The following ZNG1F variants were observed in gnomAD, a reference collection of about 807,000 sequenced individuals.
ZNG1F encodes the protein Zn regulated GTPase metalloprotein activator 1F.
the ZNG1F span, among the ~76,000 whole-genome samples, chr9:41,166,363 A>G: frequency 8.2e-6 from 1 of 121,576 alleles, no homozygotes; most frequent in East Asian, 2.6e-4. Context: ...TGGGAGGCAG[A>G]GGTTGCAGTG....
At chr9:41,145,218 T>C in the ZNG1F span, 2 of 271,234 alleles carry the variant, frequency 7.4e-6, no homozygotes, top group South Asian at 5.9e-5. Flanking sequence ...ATAGCCTATC[T>C]AGTTAAAGAG....
the ZNG1F span, among the ~76,000 whole-genome samples, chr9:41,187,651 G>T: frequency 6.8e-6 from 1 of 147,174 alleles, no homozygotes; most frequent in African/African-American, 2.5e-5. Flanking sequence ...GATTAGTCAG[G>T]AGGCTTTTAG....
chr9:41,196,713 C>CAT, the ZNG1F span, among the ~76,000 whole-genome samples: 2,013 of 83,386 alleles, frequency 0.024, 28 homozygotes, highest in East Asian at 0.052. Context: ...TATACACACA[C>CAT]ATATATATAT....
the ZNG1F span, among the ~76,000 whole-genome samples, chr9:41,154,286 C>T: frequency 2.1e-5 from 1 of 48,712 alleles, no homozygotes; most frequent in Non-Finnish European, 3.8e-5. Flanking sequence ...ACCTAGGAAT[C>T]CAACTTACAA....
the ZNG1F span, among the ~76,000 whole-genome samples, chr9:41,169,140 T>TA: frequency 1.3e-4 from 20 of 150,466 alleles, no homozygotes; most frequent in Non-Finnish European, 2.7e-4. Context: ...TACAAACATT[T>TA]AAAAAAATAA....
the ZNG1F span, among the ~76,000 whole-genome samples, chr9:41,169,126 G>C: frequency 6.7e-6 from 1 of 148,854 alleles, no homozygotes; most frequent in South Asian, 2.1e-4. Flanking sequence ...CCATAGGAAA[G>C]CTATACAAAC....
At chr9:41,176,348 AAC>A in the ZNG1F span, 3 of 140,646 alleles carry the variant, frequency 2.1e-5, no homozygotes, top group Admixed American at 7.4e-5. Context: ...ATGAATAAGC[AAC>A]AGAGGGAAAA....
the ZNG1F span, chr9:41,132,172 C>T: frequency 6.3e-6 from 10 of 1,579,082 alleles, no homozygotes; most frequent in South Asian, 1.1e-4. Flanking sequence ...CACATGATAT[C>T]CCTTTCAAAT....
chr9:41,145,671 T>TAA, the ZNG1F span: 2 of 39,162 alleles, frequency 5.1e-5, 1 homozygote, highest in African/African-American at 1.2e-4. Context: ...AATATATATA[T>TAA]AACCATTCTA....
At chr9:41,152,098 A>G in the ZNG1F span, among the ~76,000 whole-genome samples, 2 of 138,974 alleles carry the variant, frequency 1.4e-5, no homozygotes, top group African/African-American at 5.3e-5. Context: ...TGCTGTATTC[A>G]GGAAACCCAT....
At chr9:41,151,680 GA>G in the ZNG1F span, among the ~76,000 whole-genome samples, 1 of 148,550 alleles carries the variant, frequency 6.7e-6, no homozygotes, top group Non-Finnish European at 1.5e-5. Context: ...AGCCAGAAGA[GA>G]GTGGGGGCCA....
chr9:41,200,796 A>T, the ZNG1F span, among the ~76,000 whole-genome samples: 2 of 152,316 alleles, frequency 1.3e-5, no homozygotes, highest in East Asian at 3.9e-4. Flanking sequence ...AGGAGAAGAG[A>T]GATTATGCAG....
At chr9:41,140,837 C>G in the ZNG1F span, among the ~76,000 whole-genome samples, 5 of 143,984 alleles carry the variant, frequency 3.5e-5, no homozygotes, top group African/African-American at 1.3e-4. Context: ...GCAATCCTCC[C>G]ACTTCAGCCT....
chr9:41,173,953 G>A, the ZNG1F span, among the ~76,000 whole-genome samples: 107 of 148,880 alleles, frequency 7.2e-4, 4 homozygotes, highest in Admixed American at 1.8e-3. Context: ...AGGGTGTGGT[G>A]GCTCACGCCT....
At chr9:41,196,713 C>CACAT in the ZNG1F span, among the ~76,000 whole-genome samples, 1 of 83,372 alleles carries the variant, frequency 1.2e-5, no homozygotes, top group Non-Finnish European at 2.8e-5. Flanking sequence ...TATACACACA[C>CACAT]ATATATATAT....
the ZNG1F span, among the ~76,000 whole-genome samples, chr9:41,150,276 A>T: frequency 6.7e-6 from 1 of 149,440 alleles, no homozygotes; most frequent in Non-Finnish European, 1.5e-5. Flanking sequence ...GGCTTAAAAA[A>T]CCGCGCACCA....
At chr9:41,184,116 C>T in the ZNG1F span, among the ~76,000 whole-genome samples, 2 of 151,102 alleles carry the variant, frequency 1.3e-5, no homozygotes, top group African/African-American at 4.9e-5. Context: ...CTGAATATTC[C>T]CAATGAGTAA....
chr9:41,182,020 G>A, the ZNG1F span, among the ~76,000 whole-genome samples: 10 of 72,748 alleles, frequency 1.4e-4, no homozygotes, highest in African/African-American at 6.3e-4. Context: ...ATCCTCAGAG[G>A]TTCTGGAACT....
chr9:41,183,264 A>G, the ZNG1F span, among the ~76,000 whole-genome samples: 1 of 142,898 alleles, frequency 7.0e-6, no homozygotes, highest in African/African-American at 2.6e-5. Flanking sequence ...GACCAATGAC[A>G]GATTAAATTC....
Sources: gnomAD v4.1 joint callset for allele counts (sites outside exome capture counted in the v4.1 genomes callset) on GRCh38, gnomAD v4.1.1 for gene constraint, MANE v1.5 for transcripts, NCBI Gene and HGNC (gene_info 2026-07-23, HGNC 2026-07-21) for gene names.